The following PHF14 variants were observed in gnomAD, a reference collection of about 807,000 sequenced individuals.
PHF14 encodes PHD finger protein 14.
A neutral mutation model predicts 117.9 loss-of-function variants in PHF14; 55 were observed. The ratio of observed to expected loss-of-function variants is 0.47; its 90% CI spans 0.38 to 0.58. The LOEUF (loss-of-function observed/expected upper bound fraction) is 0.58. Among genes scored for constraint, PHF14 ranks in the 20% least tolerant of loss-of-function variants. PHF14 has a pLI of 0.00. For synonymous variants in PHF14, 409 were observed against 368.6 expected, an observed-to-expected ratio of 1.11 and a Z score of -1.26; for missense variants, 978 against 1,122.2, an observed-to-expected ratio of 0.87 and a Z score of 1.84.
intron 17 of PHF14, among the ~76,000 whole-genome samples, chr7:11,118,609 G>T (rs1252863709): frequency 6.6e-6 from 1 of 151,814 alleles, no homozygotes; most frequent in Non-Finnish European, 1.5e-5. Context: ...GCCTGGTCAA[G>T]TAGGTGGTTT....
At chr7:11,104,088 G>A in intron 16 of PHF14, 1 of 984,790 alleles carries the variant, frequency 1.0e-6, no homozygotes, top group Non-Finnish European at 1.2e-6. Flanking sequence ...AATATTTAGT[G>A]AGAAATTACT....
intron 14 of PHF14, among the ~76,000 whole-genome samples, chr7:11,059,658 C>G (rs935173199): frequency 1.3e-5 from 2 of 151,952 alleles, no homozygotes; most frequent in Admixed American, 1.3e-4. Flanking sequence ...CCTGTAAACC[C>G]AGCTACTTGC....
chr7:11,043,891 A>G (rs1784577463), intron 13 of PHF14, among the ~76,000 whole-genome samples: 1 of 152,086 alleles, frequency 6.6e-6, no homozygotes. Flanking sequence ...GAACTTATAT[A>G]GAGTTATGCA....
At chr7:11,083,350 C>T (rs1396585613) in intron 16 of PHF14, among the ~76,000 whole-genome samples, 1 of 151,968 alleles carries the variant, frequency 6.6e-6, no homozygotes, top group Admixed American at 6.6e-5. Context: ...TTATATTGTG[C>T]TTTACCTTCT....
chr7:11,158,794 A>G (rs77162211), intron 17 of PHF14, among the ~76,000 whole-genome samples: 2,265 of 152,262 alleles, frequency 0.015, 25 homozygotes, highest in Non-Finnish European at 0.025. Context: ...AGTTGCTTAC[A>G]GATTAGCCTG....
chr7:11,051,610 A>G lies in PHF14; in HGVS notation c.2313-2A>G, dbSNP rs1316054931. On this transcript the variant is annotated splice_acceptor_variant, in intron 13 of 17. Coordinates refer to ENST00000634607, the MANE Select transcript of PHF14 (RefSeq NM_001007157.2). LOFTEE classifies it high-confidence loss of function. ...TGACTTAAATTTTTCCCCTTTATGT[A>G]GGCAGTGCTCGGAATGTGACCAGGC... The G allele has an allele frequency of 1.9e-6, 3 of 1,608,652 alleles. No homozygotes were observed. The highest frequency in any genetic ancestry group is 8.5e-7 in the Non-Finnish European group (1 of 1,177,392).
chr7:10,976,496 AATTCTAAAACTTACATTAAGT>A (rs1781869799), intron 2 of PHF14, among the ~76,000 whole-genome samples: 1 of 152,146 alleles, frequency 6.6e-6, no homozygotes. Context: ...ATATGGGAAC[AATTCTAAAACTTACATTAAGT>A]ATTACATTAT....
At chr7:11,105,373 A>G (rs1787223830) in intron 16 of PHF14, 1 of 953,478 alleles carries the variant, frequency 1.0e-6, no homozygotes, top group Non-Finnish European at 1.2e-6. Context: ...TATTAATGAA[A>G]ACCACTGGTT....
At chr7:11,138,295 C>T (rs1271296132) in intron 17 of PHF14, among the ~76,000 whole-genome samples, 1 of 152,036 alleles carries the variant, frequency 6.6e-6, no homozygotes, top group East Asian at 1.9e-4. Context: ...CCCGCCTCGG[C>T]CCCCCAAAGT....
At chr7:11,072,731 A>C (rs969331747) in intron 16 of PHF14, among the ~76,000 whole-genome samples, 24 of 152,230 alleles carry the variant, frequency 1.6e-4, no homozygotes, top group African/African-American at 5.8e-4. Flanking sequence ...TTATAAAGAA[A>C]GTAAGTTTAT....
chr7:10,980,465 T>TA (rs1280112431), intron 2 of PHF14, among the ~76,000 whole-genome samples: 7 of 152,200 alleles, frequency 4.6e-5, no homozygotes, highest in Non-Finnish European at 1.0e-4. Flanking sequence ...TTGTTATTTT[T>TA]ACCAGATGTG....
intron 16 of PHF14, among the ~76,000 whole-genome samples, chr7:11,097,269 G>A (rs767972374): frequency 2.0e-5 from 3 of 152,228 alleles, no homozygotes; most frequent in East Asian, 1.9e-4. Flanking sequence ...GCGAGCCACC[G>A]TGCCCAGCCA....
chr7:11,037,046 T>A lies in PHF14; in HGVS notation c.1935T>A (p.Asp645Glu). ...ENMAEQKNIK[D>E]KLENEQEKLH... ...TGGCTGAACAAAAGAATATAAAAGATAAATTAGAGAATGAACAAGAAAAGC... is the reference window on the plus strand; with the variant it reads ...TGGCTGAACAAAAGAATATAAAAGAAAAATTAGAGAATGAACAAGAAAAGC... Residue 645 changes from aspartate to glutamate, a missense_variant, in exon 10 of 18, where the codon GAT becomes GAA. Physicochemically the swap from Asp to Glu is conservative, Grantham distance 45 (BLOSUM62 2). Transcript: ENST00000634607. 1 of 1,507,368 alleles carries A rather than the reference T, an allele frequency of 6.6e-7. No homozygotes were observed. The highest frequency in any genetic ancestry group is 9.1e-7 in the Non-Finnish European group (1 of 1,100,210). 93.4% of individuals were successfully genotyped at this position (1,507,368 alleles called of 1,614,324 possible). A position where few individuals can be genotyped will look rare whatever the true frequency, so the allele number is the denominator to read the frequency against.
rs1305576811 is a variant in PHF14, at chr7:10,974,847, C to G, written c.14C>G (p.Ser5Cys). 2.5e-6 allele frequency: 4 copies of G among 1,574,198 alleles called. No individual in the cohort carries two copies. Among genetic ancestry groups the G allele is most frequent in the South Asian group, 2.3e-5 (2 of 86,102 alleles). ...TTTCTCTTCACAGTGGATCGCAGCTCCAAGAGGAGGCAGGTGAAGCCTTTG... is the reference window on the plus strand; with the variant it reads ...TTTCTCTTCACAGTGGATCGCAGCTGCAAGAGGAGGCAGGTGAAGCCTTTG... MDRS[S>C]KRRQVKPLAA... Residue 5 changes from serine to cysteine, a missense_variant, in exon 2 of 18, where the codon TCC becomes TGC. Around this residue, in one of 7 missense-constraint regions of PHF14, gnomAD observed 414 missense variants for 376.4 expected, o/e 1.10. Coordinates refer to ENST00000634607, the MANE Select transcript of PHF14 (RefSeq NM_001007157.2).
In PHF14 at chr7:10,990,781, G is replaced by A; in HGVS notation, c.979G>A (p.Gly327Arg). The stretch of plus-strand genomic sequence containing the variant: ...TATTCTGATTTGCTGTGTTTGTCTG[G>A]GAGATAATAGTGAGGACGCTGATGA... The part of the protein sequence containing the change: ...DHILICCVCL[G>R]DNSEDADEII... The change falls in exon 4 of 18, where the codon GGA becomes AGA. Residue 327 changes from glycine (G) to arginine (R), a missense_variant. Around this residue, in one of 7 missense-constraint regions of PHF14, gnomAD observed 414 missense variants for 376.4 expected, o/e 1.10. Transcript: ENST00000634607. 6.3e-7 allele frequency: 1 copy of A among 1,584,774 alleles called. No individual in the cohort carries two copies. Among genetic ancestry groups the A allele is most frequent in the South Asian group, 1.2e-5 (1 of 86,936 alleles).
chr7:11,036,363 A>C, intron 8 of PHF14, 55 bp from the exon 9 acceptor site: 1 of 1,380,736 alleles, frequency 7.2e-7, no homozygotes, highest in Non-Finnish European at 9.9e-7. Context: ...TAAAAATCTT[A>C]AGGAACATGT....
At chr7:11,042,887 TATATTTGTTCATAATA>T in intron 13 of PHF14, 73 bp downstream of exon 13, 1 of 1,029,624 alleles carries the variant, frequency 9.7e-7, no homozygotes, top group Non-Finnish European at 1.4e-6. Flanking sequence ...GATGAAATAC[TATATTTGTTCATAATA>T]AAGTATTTGG....
intron 7 of PHF14, among the ~76,000 whole-genome samples, chr7:11,031,471 G>C (rs1424016901): frequency 6.6e-6 from 1 of 151,956 alleles, no homozygotes; most frequent in African/African-American, 2.4e-5. Context: ...TGGACTATAG[G>C]GCTGGGTGCA....
At chr7:11,151,765 AT>A (rs1182219638) in intron 17 of PHF14, among the ~76,000 whole-genome samples, 2 of 151,880 alleles carry the variant, frequency 1.3e-5, no homozygotes, top group East Asian at 3.9e-4. Context: ...AATAAAGGCC[AT>A]TTTTTTCTTG....
Sources: allele counts gnomAD v4.1 joint callset (sites outside exome capture counted in the v4.1 genomes callset), GRCh38; gene constraint gnomAD v4.1.1; regional missense constraint gnomAD v4.1.1; transcripts MANE v1.5; gene names NCBI Gene and HGNC (gene_info 2026-07-23, HGNC 2026-07-21).